The following RIMS1 variants were observed in gnomAD, a reference collection of about 807,000 sequenced individuals.
The protein encoded by RIMS1 is regulating synaptic membrane exocytosis protein 1.
In RIMS1, 83 loss-of-function variants were observed where a neutral mutation model predicts 214.1. The ratio of observed to expected loss-of-function variants is 0.39; its 90% CI spans 0.32 to 0.47. The LOEUF is 0.47. Ranked by LOEUF, RIMS1 falls within the 20% of genes least tolerant of loss-of-function variation. The pLI is 0.99. For missense variants in RIMS1, 2,050 were observed against 2,161.8 expected (o/e 0.95, Z 1.03); for synonymous variants, 793 against 786.8 (o/e 1.01, Z -0.13).
At chr6:72,346,086 A>G (rs1437435468) in intron 29 of RIMS1, among the ~76,000 whole-genome samples, 2 of 151,768 alleles carry the variant, frequency 1.3e-5, no homozygotes, top group African/African-American at 4.8e-5. Flanking sequence ...CATTTTCGCA[A>G]CTATAATATG....
At chr6:72,212,465 G>T (rs1338073172) in intron 6 of RIMS1, among the ~76,000 whole-genome samples, 1 of 152,024 alleles carries the variant, frequency 6.6e-6, no homozygotes, top group East Asian at 1.9e-4. Context: ...TACAGCCTAA[G>T]TTCAAATATT....
chr6:72,282,538 A>G (rs1000392526), intron 23 of RIMS1, among the ~76,000 whole-genome samples: 1 of 152,150 alleles, frequency 6.6e-6, no homozygotes, highest in Non-Finnish European at 1.5e-5. Flanking sequence ...AGATACACAC[A>G]TAAGGCATGT....
At chr6:72,149,075 A>T (rs189288833) in intron 4 of RIMS1, among the ~76,000 whole-genome samples, 247 of 152,270 alleles carry the variant, frequency 1.6e-3, no homozygotes, top group Admixed American at 2.9e-3. Flanking sequence ...GGAAAGAAAA[A>T]AAACAGCTTA....
chr6:72,078,630 A>G (rs949114090), intron 2 of RIMS1, among the ~76,000 whole-genome samples: 4 of 152,222 alleles, frequency 2.6e-5, no homozygotes, highest in Admixed American at 2.6e-4. Flanking sequence ...TGTTTGCTTC[A>G]TTAGGTAGAA....
chr6:72,179,762 C>T lies in RIMS1; in HGVS notation c.659C>T (p.Thr220Ile), dbSNP rs2048179268. The change falls in exon 5 of 34, where the codon ACA becomes ATA. Residue 220 changes from threonine (T) to isoleucine (I), a missense_variant. Transcript: ENST00000521978. ...ARLQERSRSQ[T>I]PLSTAAASSQ... is the part of the protein sequence containing the mutation. ...CTCCAAGAGCGATCGCGGTCTCAGA[C>T]ACCCCTAAGCACAGCAGCTGCCTCC... 1.2e-6 allele frequency: 2 copies of T among 1,613,826 alleles called. No individual in the cohort carries two copies.
At position 72,032,712 on chromosome 6, in the gene RIMS1, C is replaced by G. The variant is rs149960092; in HGVS notation, c.245+63649C>G. Among the ~76,000 whole-genome samples the G allele has an allele frequency of 3.3e-5, 5 of 152,246 alleles. No individual in the cohort carries two copies. The East Asian group carries it at 9.6e-4, about 29-fold the overall frequency. On this transcript the variant is annotated intron_variant, in intron 2 of 33. Coordinates refer to ENST00000521978, the MANE Select transcript of RIMS1 (RefSeq NM_014989.7). Reference sequence around the variant, plus strand: ...GAAGAGTGGTATCTGAATAAAAGATCTTGTATGTAAAATTCTATGATCTAT... The same window carrying G: ...GAAGAGTGGTATCTGAATAAAAGATGTTGTATGTAAAATTCTATGATCTAT...
intron 1 of RIMS1, among the ~76,000 whole-genome samples, chr6:71,931,551 A>T (rs1783047915): frequency 6.6e-6 from 1 of 152,080 alleles, no homozygotes; most frequent in Non-Finnish European, 1.5e-5. Flanking sequence ...AGGTCTTTTG[A>T]AAAGTGTCTG....
At position 72,401,041 on chromosome 6, in the gene RIMS1, G is replaced by GA. The variant is rs1227517930; in HGVS notation, c.*330dup. The stretch of plus-strand genomic sequence containing the variant: ...CACACACACCAAATTGAACAAACTG[G>GA]AAACTCTCACTCTGTGAAAAGTTGT... On this transcript the variant is annotated 3_prime_UTR_variant, in exon 34 of 34. Transcript: ENST00000521978. 4.3e-6 allele frequency: 1 copy of GA among 232,142 alleles called. No individual in the cohort carries two copies. Among genetic ancestry groups the GA allele is most frequent in the Non-Finnish European group, 8.6e-6 (1 of 116,134 alleles). The allele number at this position is 232,142 out of a possible 1,614,324, so 14.4% of individuals were successfully genotyped here.
At chr6:72,309,467 G>A (rs1256973240) in intron 27 of RIMS1, among the ~76,000 whole-genome samples, 3 of 151,964 alleles carry the variant, frequency 2.0e-5, no homozygotes, top group Non-Finnish European at 4.4e-5. Context: ...AATGGATTTG[G>A]GACTTAGGGT....
At chr6:71,971,428 G>A (rs1038255117) in intron 2 of RIMS1, among the ~76,000 whole-genome samples, 3 of 152,292 alleles carry the variant, frequency 2.0e-5, no homozygotes, top group Non-Finnish European at 4.4e-5. Context: ...AATGGGCAAT[G>A]CTTGATTGCC....
chr6:72,313,368 G>A (rs2095605355), intron 27 of RIMS1, 138 bp from the exon 28 acceptor site: 4 of 637,162 alleles, frequency 6.3e-6, no homozygotes, highest in Non-Finnish European at 7.9e-6. Flanking sequence ...GTAGTATTTG[G>A]ATTATTTTAG....
At chr6:72,345,668 T>G (rs886422644) in intron 29 of RIMS1, among the ~76,000 whole-genome samples, 1 of 151,828 alleles carries the variant, frequency 6.6e-6, no homozygotes, top group Non-Finnish European at 1.5e-5. Flanking sequence ...AATCTTGCCT[T>G]TTTTCACTTT....
At chr6:72,247,549 A>C (rs2070726850) in intron 11 of RIMS1, among the ~76,000 whole-genome samples, 1 of 151,958 alleles carries the variant, frequency 6.6e-6, no homozygotes, top group African/African-American at 2.4e-5. Context: ...AAAAAAAAAA[A>C]AAAAAACCTA....
rs143523595 is a variant in RIMS1 at position 72,402,918 on chromosome 6, G to T, written c.*2204G>T. 1 of 152,622 alleles carries T rather than the reference G, an allele frequency of 6.6e-6. No homozygotes were observed. The highest frequency in any genetic ancestry group is 1.5e-5 in the Non-Finnish European group (1 of 68,048). The allele number at this position is 152,622 out of a possible 1,614,324, so 9.5% of individuals were successfully genotyped here. ...AGGCTGGGGTTTGTTGTCTGCTGCG[G>T]GCATTTGACTTGACTTGTCACTGCA... On this transcript the variant is annotated 3_prime_UTR_variant, in exon 34 of 34. Transcript: ENST00000521978.
intron 6 of RIMS1, among the ~76,000 whole-genome samples, chr6:72,204,269 A>G (rs1366548705): frequency 6.6e-6 from 1 of 152,234 alleles, no homozygotes; most frequent in Non-Finnish European, 1.5e-5. Context: ...TGAGGATCAT[A>G]CAAAGGTAGT....
intron 29 of RIMS1, among the ~76,000 whole-genome samples, chr6:72,360,210 G>C (rs767758684): frequency 2.7e-4 from 41 of 152,184 alleles, no homozygotes; most frequent in Non-Finnish European, 5.4e-4. Context: ...TGAAAAGCAA[G>C]AAGTAGCATC....
intron 1 of RIMS1, among the ~76,000 whole-genome samples, chr6:71,952,805 C>T (rs10214880): frequency 0.08 from 12,226 of 152,046 alleles, 609 homozygotes; most frequent in East Asian, 0.26. Context: ...CTGCTGATCT[C>T]AGCTGGGGTT....
chr6:72,096,941 T>G lies in RIMS1; in HGVS notation c.246-8T>G, dbSNP rs749959333. 1.2e-6 allele frequency: 2 copies of G among 1,610,184 alleles called. No homozygotes were observed. The highest frequency in any genetic ancestry group is 2.7e-5 in the African/African-American group (2 of 74,896). Reference sequence around the variant, plus strand: ...ACTTAGTTTGCTACCATTTTCTCTTTTGCCTAGGAGATTGCATCAACAGTT... The same window carrying G: ...ACTTAGTTTGCTACCATTTTCTCTTGTGCCTAGGAGATTGCATCAACAGTT... On this transcript the variant is annotated splice_polypyrimidine_tract_variant and splice_region_variant and intron_variant, in intron 2 of 33. Coordinates refer to ENST00000521978, the MANE Select transcript of RIMS1 (RefSeq NM_014989.7).
At chr6:72,201,137 C>A (rs2051914289) in intron 6 of RIMS1, among the ~76,000 whole-genome samples, 1 of 151,998 alleles carries the variant, frequency 6.6e-6, no homozygotes, top group Non-Finnish European at 1.5e-5. Flanking sequence ...CCAAATTAGT[C>A]CATGGCTAGA....
Sources: allele counts gnomAD v4.1 joint callset (sites outside exome capture counted in the v4.1 genomes callset), GRCh38; gene constraint gnomAD v4.1.1; transcripts MANE v1.5; gene names NCBI Gene and HGNC (gene_info 2026-07-23, HGNC 2026-07-21).